The following OR6B3 variants were observed in gnomAD, a reference collection of about 807,000 sequenced individuals.
OR6B3 encodes olfactory receptor 6B3.
For synonymous variants in OR6B3, 148 were observed against 187.8 expected (o/e 0.79, Z 1.73); for missense variants, 315 against 427.4 (o/e 0.74, Z 2.32).
chr2:240,049,707 T>A (rs926778614), upstream of OR6B3, among the ~76,000 whole-genome samples: 1 of 152,172 alleles, frequency 6.6e-6, no homozygotes, highest in Non-Finnish European at 1.5e-5. Context: ...TGAAAAATAG[T>A]AATTGTTTGG....
chr2:240,045,414 T>G, exon 2 of OR6B3: 1 of 1,614,116 alleles, frequency 6.2e-7, no homozygotes, highest in South Asian at 1.1e-5. Context: ...CAGGGTGATG[T>G]GCGCATATGA....
upstream of OR6B3, among the ~76,000 whole-genome samples, chr2:240,048,008 T>C (rs998975363): frequency 3.4e-4 from 51 of 152,104 alleles, 3 homozygotes; most frequent in Admixed American, 3.3e-3. Flanking sequence ...ATGGCATCTG[T>C]TAGAGCATGA....
At chr2:240,044,682 G>A (rs943559427), downstream of OR6B3, among the ~76,000 whole-genome samples, 30 of 152,208 alleles carry the variant, frequency 2.0e-4, no homozygotes, top group African/African-American at 5.3e-4. Context: ...GAGAACATTC[G>A]TTGGGTATAA....
intron 1 of OR6B3, among the ~76,000 whole-genome samples, chr2:240,046,346 T>C (rs1451348055): frequency 6.6e-6 from 1 of 152,056 alleles, no homozygotes; most frequent in Non-Finnish European, 1.5e-5. Context: ...ACCACCAGTC[T>C]CCCTCATCTC....
chr2:240,045,732 A>G, exon 2 of OR6B3: 1 of 1,378,450 alleles, frequency 7.3e-7, no homozygotes. Context: ...GGAGGCCAGA[A>G]GCACACACTC....
chr2:240,051,777 G>A (rs1439522765), upstream of OR6B3, among the ~76,000 whole-genome samples: 5 of 152,184 alleles, frequency 3.3e-5, no homozygotes, highest in Admixed American at 3.3e-4. Context: ...TTGAAGTCTA[G>A]CTAATGCTAA....
chr2:240,048,562 C>G (rs1213241290), upstream of OR6B3, among the ~76,000 whole-genome samples: 2 of 152,238 alleles, frequency 1.3e-5, no homozygotes, highest in East Asian at 3.9e-4. Context: ...CTCCTGAGGA[C>G]AGGAGCTATG....
upstream of OR6B3, among the ~76,000 whole-genome samples, chr2:240,048,102 G>C (rs1698216012): frequency 6.6e-6 from 1 of 152,170 alleles, no homozygotes; most frequent in African/African-American, 2.4e-5. Context: ...AATGTAGGGA[G>C]TTGTTAAAAC....
At chr2:240,045,406 G>C in exon 2 of OR6B3, 1 of 1,614,180 alleles carries the variant, frequency 6.2e-7, no homozygotes. Flanking sequence ...AGGACAGCCA[G>C]GGTGATGTGC....
rs1483822340 is a variant in OR6B3 at position 240,046,110 on chromosome 2, A to C, written c.-25-13T>G. 6.6e-7 allele frequency: 1 copy of C among 1,525,260 alleles called. No individual in the cohort carries two copies. The allele number at this position is 1,525,260 out of a possible 1,614,324, so 94.5% of individuals were successfully genotyped here. The stretch of plus-strand genomic sequence containing the variant: ...GGGAGCTGCAGGCCTACAAAACATC[A>C]AAGAGCAAGAGGAAAGGGCTGCAGG... On this transcript the variant is annotated splice_polypyrimidine_tract_variant and intron_variant, in intron 1 of 1. Coordinates refer to ENST00000641019, the Ensembl canonical transcript of OR6B3.
rs1698185384 is a variant in OR6B3 at position 240,046,109 on chromosome 2, C to T, written c.-25-12G>A. On this transcript the variant is annotated splice_polypyrimidine_tract_variant and intron_variant, in intron 1 of 1. Transcript: ENST00000641019. ...TGGGAGCTGCAGGCCTACAAAACATCAAAGAGCAAGAGGAAAGGGCTGCAG... is the reference window on the plus strand; with the variant it reads ...TGGGAGCTGCAGGCCTACAAAACATTAAAGAGCAAGAGGAAAGGGCTGCAG... 4 of 1,536,846 alleles carry T rather than the reference C, an allele frequency of 2.6e-6. No homozygotes were observed. Among genetic ancestry groups the T allele is most frequent in the South Asian group, 1.2e-5 (1 of 82,370 alleles).
exon 2 of OR6B3, chr2:240,045,246 A>G (rs1698164026): frequency 6.2e-7 from 1 of 1,614,220 alleles, no homozygotes; most frequent in Non-Finnish European, 8.5e-7. Context: ...TGTGTACAAA[A>G]CAGAGATGAG....
chr2:240,045,057 C>T (rs188913990), downstream of OR6B3: 111 of 1,542,064 alleles, frequency 7.2e-5, no homozygotes, highest in East Asian at 2.3e-3. Context: ...TACAATAATG[C>T]AAACAGTCAA....
At chr2:240,045,397 G>A (rs764414655) in exon 2 of OR6B3, 2 of 1,614,120 alleles carry the variant, frequency 1.2e-6, no homozygotes, top group Admixed American at 3.3e-5. Flanking sequence ...GGGATGCGCA[G>A]GACAGCCAGG....
At chr2:240,050,463 C>T (rs1207096702), upstream of OR6B3, among the ~76,000 whole-genome samples, 1 of 152,124 alleles carries the variant, frequency 6.6e-6, no homozygotes, top group Admixed American at 6.5e-5. Context: ...GCCTGTAATC[C>T]CAGCCCTTTG....
upstream of OR6B3, among the ~76,000 whole-genome samples, chr2:240,048,458 G>A (rs1044288507): frequency 6.6e-6 from 1 of 152,166 alleles, no homozygotes; most frequent in Non-Finnish European, 1.5e-5. Flanking sequence ...GAGGGATGTG[G>A]GCTGGGTACG....
upstream of OR6B3, among the ~76,000 whole-genome samples, chr2:240,050,335 C>A (rs1200899585): frequency 6.6e-6 from 1 of 152,190 alleles, no homozygotes; most frequent in Non-Finnish European, 1.5e-5. Flanking sequence ...TTTCAGACCC[C>A]AAATGGTCTG....
chr2:240,046,205 G>A, intron 1 of OR6B3, 108 bp from the exon 3 acceptor site: 1 of 686,074 alleles, frequency 1.5e-6, no homozygotes. Flanking sequence ...AGGCCACGTG[G>A]CTCCCCAGAG....
chr2:240,046,280 T>C (rs533020633), intron 1 of OR6B3, among the ~76,000 whole-genome samples, 183 bp from the exon 3 acceptor site: 17 of 152,178 alleles, frequency 1.1e-4, no homozygotes, highest in Admixed American at 4.6e-4. Flanking sequence ...TCTGATGATA[T>C]AGATTCTAGG....
Sources: gnomAD v4.1 joint callset for allele counts (sites outside exome capture counted in the v4.1 genomes callset) on GRCh38, gnomAD v4.1.1 for gene constraint, MANE v1.5 for transcripts, NCBI Gene and HGNC (gene_info 2026-07-23, HGNC 2026-07-21) for gene names.